RBFOX2: variants seen among roughly 807,000 people sequenced by gnomAD.
RBFOX2 encodes the protein RNA binding fox-1 homolog 2.
RBFOX2 carries 10 observed loss-of-function variants against 49.1 expected under a neutral mutation model. That is an observed-to-expected ratio of 0.20 (90% CI 0.13 to 0.35). RBFOX2 has a LOEUF of 0.35. RBFOX2 is among the 10% of genes least tolerant of loss of function. The pLI, the probability that RBFOX2 is intolerant of heterozygous loss-of-function variation, is 1.00. For missense variants in RBFOX2, 323 were observed against 486.9 expected (o/e 0.66, Z 3.17); for synonymous variants, 183 against 187.4 (o/e 0.98, Z 0.19).
chr22:35,758,462 T>C (rs1937574998), intron 9 of RBFOX2, among the ~76,000 whole-genome samples: 1 of 152,192 alleles, frequency 6.6e-6, no homozygotes, highest in Admixed American at 6.5e-5. Context: ...CGGAAGACAT[T>C]TCACAAACAA....
intron 4 of RBFOX2, among the ~76,000 whole-genome samples, chr22:35,769,656 C>T (rs574696047): frequency 6.6e-6 from 1 of 152,106 alleles, no homozygotes; most frequent in South Asian, 2.1e-4. Flanking sequence ...TTGAATATTC[C>T]ACTGTAGGAT....
At chr22:35,795,628 C>CAAAAAAAAAAA in intron 2 of RBFOX2, among the ~76,000 whole-genome samples, 1 of 33,568 alleles carries the variant, frequency 3.0e-5, no homozygotes, top group Non-Finnish European at 5.5e-5. Context: ...TGTAGAAAAG[C>CAAAAAAAAAAA]AAAAAAAAAA....
intron 9 of RBFOX2, among the ~76,000 whole-genome samples, chr22:35,753,805 CGAA>C (rs1935903893): frequency 1.0e-5 from 1 of 98,254 alleles, no homozygotes; most frequent in Non-Finnish European, 1.8e-5. Context: ...TTTTTTGAGA[CGAA>C]GTCTAGCTCT....
intron 1 of RBFOX2, among the ~76,000 whole-genome samples, chr22:35,972,976 C>T (rs527829668): frequency 1.8e-4 from 27 of 152,138 alleles, no homozygotes; most frequent in Admixed American, 1.7e-3. Flanking sequence ...GTCCTTTGTG[C>T]TCAGTTTTAA....
intron 1 of RBFOX2, among the ~76,000 whole-genome samples, chr22:35,956,863 T>C (rs1456689643): frequency 6.6e-6 from 1 of 152,216 alleles, no homozygotes; most frequent in East Asian, 1.9e-4. Context: ...AAAAGATTCA[T>C]AACCGAGGAT....
At chr22:35,844,432 A>C (rs1408208324), upstream of RBFOX2, among the ~76,000 whole-genome samples, 1 of 152,232 alleles carries the variant, frequency 6.6e-6, no homozygotes, top group Non-Finnish European at 1.5e-5. Context: ...TAGTTATCAA[A>C]ATATTATAAA....
chr22:35,836,126 C>CT (rs1298576483), intron 1 of RBFOX2, among the ~76,000 whole-genome samples: 1 of 152,120 alleles, frequency 6.6e-6, no homozygotes, highest in African/African-American at 2.4e-5. Context: ...GGGAGCATGA[C>CT]TGGCAGGCAA....
chr22:35,851,046 C>G (rs1298971777), intron 1 of RBFOX2, among the ~76,000 whole-genome samples: 1 of 152,166 alleles, frequency 6.6e-6, no homozygotes, highest in Non-Finnish European at 1.5e-5. Context: ...GTGAGGGCAT[C>G]TGTGAGAATT....
At chr22:35,883,362 G>T (rs2046171534) in intron 1 of RBFOX2, among the ~76,000 whole-genome samples, 1 of 152,200 alleles carries the variant, frequency 6.6e-6, no homozygotes, top group Non-Finnish European at 1.5e-5. Flanking sequence ...TCTACCTTGG[G>T]CTCCTGCTAA....
intron 1 of RBFOX2, among the ~76,000 whole-genome samples, chr22:35,819,831 G>A (rs1954063443): frequency 6.6e-6 from 1 of 152,182 alleles, no homozygotes; most frequent in African/African-American, 2.4e-5. Context: ...GGGTATCGGG[G>A]TATTGGGCTG....
rs1406004423 is a variant in RBFOX2, at chr22:35,992,001, T to A, written c.186+36239A>T. On this transcript the variant is annotated intron_variant, in intron 1 of 13. Transcript: ENST00000438146. Reference sequence around the variant, plus strand: ...CAACTCTGTGAGGTAGAAACTATTATTAACATTTTACAGATGAAGGAACTG... The same window carrying A: ...CAACTCTGTGAGGTAGAAACTATTAATAACATTTTACAGATGAAGGAACTG... 2.0e-5 allele frequency among the ~76,000 whole-genome samples: 3 copies of A among 152,312 alleles called. No homozygotes were observed. The East Asian group carries it at 5.8e-4, about 29-fold the overall frequency.
chr22:35,800,232 T>G (rs553688931), intron 2 of RBFOX2, among the ~76,000 whole-genome samples: 1 of 152,174 alleles, frequency 6.6e-6, no homozygotes, highest in African/African-American at 2.4e-5. Context: ...GTCTCCTGAA[T>G]TCATTCCCCC....
At chr22:35,915,176 TC>T (rs1374009906) in intron 1 of RBFOX2, among the ~76,000 whole-genome samples, 1 of 152,132 alleles carries the variant, frequency 6.6e-6, no homozygotes, top group Non-Finnish European at 1.5e-5. Flanking sequence ...AGCAGCCCCA[TC>T]CCCTTGTAAC....
chr22:35,898,281 G>T, intron 1 of RBFOX2: 1 of 749,654 alleles, frequency 1.3e-6, no homozygotes, highest in South Asian at 1.4e-5. Context: ...TTCCCATGAG[G>T]TATGAGGGCA....
At chr22:35,784,149 T>C (rs1945845059) in intron 2 of RBFOX2, among the ~76,000 whole-genome samples, 1 of 152,086 alleles carries the variant, frequency 6.6e-6, no homozygotes, top group South Asian at 2.1e-4. Context: ...TAAAATAAAA[T>C]CCAGGCCAAT....
chr22:35,904,663 T>A (rs2149472180), intron 1 of RBFOX2, among the ~76,000 whole-genome samples: 1 of 152,346 alleles, frequency 6.6e-6, no homozygotes, highest in East Asian at 1.9e-4. Flanking sequence ...GCTAATCTGA[T>A]AATCTACATT....
intron 6 of RBFOX2, among the ~76,000 whole-genome samples, chr22:35,762,712 C>T (rs1939380383): frequency 6.6e-6 from 1 of 152,018 alleles, no homozygotes; most frequent in South Asian, 2.1e-4. Flanking sequence ...ACCATGTTGG[C>T]CAGGCTGGTC....
chr22:35,801,452 C>T (rs928315134), intron 2 of RBFOX2, among the ~76,000 whole-genome samples: 47 of 148,088 alleles, frequency 3.2e-4, no homozygotes, highest in South Asian at 8.6e-4. Flanking sequence ...CACACACTCT[C>T]TCTCTCTCTC....
chr22:35,994,751 C>A (rs1245970991), intron 1 of RBFOX2: 2 of 151,852 alleles, frequency 1.3e-5, no homozygotes, highest in African/African-American at 2.4e-5. Context: ...AGATGCGGGT[C>A]TCACTTTGTT....
Sources: allele counts gnomAD v4.1 joint callset (sites outside exome capture counted in the v4.1 genomes callset), GRCh38; gene constraint gnomAD v4.1.1; transcripts MANE v1.5; gene names NCBI Gene and HGNC (gene_info 2026-07-23, HGNC 2026-07-21).